The following FAM107A variants were observed in gnomAD, a reference collection of about 807,000 sequenced individuals.
FAM107A encodes actin-associated protein FAM107A.
Under a neutral mutation model 13.7 loss-of-function variants are expected in FAM107A, and 19 were observed. The observed-to-expected ratio is 1.38, with a 90% CI of 0.97 to 2.03. The LOEUF (loss-of-function observed/expected upper bound fraction) is 2.03, where lower values mean the gene tolerates loss of function less well. FAM107A is among the 30% of genes most tolerant of loss of function. FAM107A has a pLI of 0.00. For missense variants in FAM107A, 203 were observed against 184.4 expected (o/e 1.10, Z -0.58); for synonymous variants, 82 against 74.5 (o/e 1.10, Z -0.52).
intron 1 of FAM107A, among the ~76,000 whole-genome samples, chr3:58,609,855 G>T (rs1449338880): frequency 6.6e-6 from 1 of 152,208 alleles, no homozygotes; most frequent in Non-Finnish European, 1.5e-5. Flanking sequence ...ATGGCTTCTT[G>T]ACCCCTGTCT....
At chr3:58,622,503 G>A (rs2065966020) in intron 1 of FAM107A, among the ~76,000 whole-genome samples, 1 of 152,146 alleles carries the variant, frequency 6.6e-6, no homozygotes, top group South Asian at 2.1e-4. Flanking sequence ...GTTGGAGCTC[G>A]ACAATTGACA....
At chr3:58,625,311 G>A (rs746062703) in intron 1 of FAM107A, among the ~76,000 whole-genome samples, 1 of 152,108 alleles carries the variant, frequency 6.6e-6, no homozygotes, top group Non-Finnish European at 1.5e-5. Flanking sequence ...ACAGAAACAG[G>A]CCTTTTCAAA....
intron 1 of FAM107A, among the ~76,000 whole-genome samples, chr3:58,620,776 C>G (rs1467324273): frequency 2.6e-5 from 4 of 152,216 alleles, no homozygotes; most frequent in African/African-American, 9.7e-5. Context: ...TTTGAAGCAG[C>G]CCTGGGCATT....
chr3:58,588,525 C>A (rs1409602680), upstream of FAM107A, among the ~76,000 whole-genome samples: 2 of 152,204 alleles, frequency 1.3e-5, no homozygotes, highest in African/African-American at 4.8e-5. Context: ...TCTTTGGAGG[C>A]CTCATTGATT....
chr3:58,624,314 T>C (rs931680476), intron 1 of FAM107A, among the ~76,000 whole-genome samples: 1 of 152,222 alleles, frequency 6.6e-6, no homozygotes, highest in Non-Finnish European at 1.5e-5. Context: ...GGTACCCACC[T>C]TGGTGCCCTT....
At chr3:58,567,749 A>G (rs2063637300) in intron 2 of FAM107A, among the ~76,000 whole-genome samples, 1 of 152,196 alleles carries the variant, frequency 6.6e-6, no homozygotes, top group Non-Finnish European at 1.5e-5. Context: ...TATCCAGTGT[A>G]TCCTCCTCTG....
chr3:58,581,890 G>A (rs1289011151), upstream of FAM107A, among the ~76,000 whole-genome samples: 1 of 152,214 alleles, frequency 6.6e-6, no homozygotes, highest in Non-Finnish European at 1.5e-5. Flanking sequence ...AGCTGCAGAA[G>A]GACCCTGGGG....
At chr3:58,609,452 G>C (rs79647760) in intron 1 of FAM107A, among the ~76,000 whole-genome samples, 3,030 of 152,144 alleles carry the variant, frequency 0.02, 47 homozygotes, top group Non-Finnish European at 0.027. Flanking sequence ...TTAATGTTTG[G>C]TATTTATTTT....
chr3:58,589,326 AG>A, upstream of FAM107A: 1 of 1,157,470 alleles, frequency 8.6e-7, no homozygotes, highest in Non-Finnish European at 1.2e-6. Flanking sequence ...TGGCTGAGGG[AG>A]GGGTGATATA....
upstream of FAM107A, among the ~76,000 whole-genome samples, chr3:58,581,490 T>C (rs921468135): frequency 6.6e-6 from 1 of 152,162 alleles, no homozygotes; most frequent in Non-Finnish European, 1.5e-5. Flanking sequence ...CATGGCAACT[T>C]AAAACTTCCT....
At chr3:58,587,474 AGTGTGTGT>A (rs376881213), upstream of FAM107A, among the ~76,000 whole-genome samples, 5,761 of 145,494 alleles carry the variant, frequency 0.04, 294 homozygotes, top group African/African-American at 0.12. Flanking sequence ...ATCAGCTTAG[AGTGTGTGT>A]GTGTGTGTGT....
chr3:58,573,221 C>G (rs2063701321), intron 1 of FAM107A, among the ~76,000 whole-genome samples: 1 of 152,150 alleles, frequency 6.6e-6, no homozygotes, highest in Non-Finnish European at 1.5e-5. Context: ...AGCAAACAAC[C>G]CCTGTGAGAT....
Position 58,569,966 on chromosome 3 carries a change from T to A in FAM107A, c.-5-101A>T. 2.5e-6 allele frequency: 3 copies of A among 1,208,546 alleles called. No individual in the cohort carries two copies. The highest frequency in any genetic ancestry group is 3.5e-6 in the Non-Finnish European group (3 of 865,054). 74.9% of individuals were successfully genotyped at this position (1,208,546 alleles called of 1,614,324 possible). A position where few individuals can be genotyped will look rare whatever the true frequency, so the allele number is the denominator to read the frequency against. ...GCAAGGTTTTCATGTCAGATGGACCTTGGCCACCTGCTACTGCGCATACCT... is the reference window on the plus strand; with the variant it reads ...GCAAGGTTTTCATGTCAGATGGACCATGGCCACCTGCTACTGCGCATACCT... On this transcript the variant is annotated intron_variant, in intron 1 of 3. Coordinates refer to ENST00000360997, the MANE Select transcript of FAM107A (RefSeq NM_001076778.3). The surrounding 1 kb of genome is among the most constrained non-coding windows in gnomAD (Gnocchi z 5.7).
intron 1 of FAM107A, among the ~76,000 whole-genome samples, chr3:58,595,365 G>A (rs2065689960): frequency 1.3e-5 from 2 of 152,194 alleles, no homozygotes; most frequent in Non-Finnish European, 2.9e-5. Context: ...CACAGAAGAA[G>A]TGAAATTAGC....
intron 1 of FAM107A, among the ~76,000 whole-genome samples, chr3:58,594,313 A>G (rs561676501): frequency 3.3e-5 from 5 of 152,118 alleles, no homozygotes; most frequent in East Asian, 1.9e-4. Flanking sequence ...CTTCTTGTTT[A>G]CTTGTACCCA....
intron 1 of FAM107A, among the ~76,000 whole-genome samples, chr3:58,575,864 CA>C (rs2063726354): frequency 6.6e-6 from 1 of 152,194 alleles, no homozygotes; most frequent in Non-Finnish European, 1.5e-5. Flanking sequence ...AGGAGAGGAC[CA>C]GCTGGTGGCC....
chr3:58,582,691 G>C (rs2065561409), upstream of FAM107A, among the ~76,000 whole-genome samples: 1 of 152,224 alleles, frequency 6.6e-6, no homozygotes, highest in African/African-American at 2.4e-5. Flanking sequence ...TGTTTTTGAG[G>C]AACAAAGGAG....
At chr3:58,616,864 C>G (rs2065906776) in intron 1 of FAM107A, among the ~76,000 whole-genome samples, 2 of 152,188 alleles carry the variant, frequency 1.3e-5, no homozygotes, top group African/African-American at 4.8e-5. Context: ...AGCTCCGCCT[C>G]CCGGGTTCAA....
chr3:58,566,663 G>C lies in FAM107A; in HGVS notation c.360C>G (p.His120Gln). The change falls in exon 4 of 4, where the codon CAC (histidine) becomes CAG (glutamine). Residue 120 changes from histidine (H) to glutamine (Q), a missense_variant. Coordinates refer to ENST00000360997, the MANE Select transcript of FAM107A (RefSeq NM_001076778.3). ...CCCTGACTTTAATAAACTCGGGGGC[G>C]TGATCCTCTTCCTTCTCTGGTGGTT... The part of the protein sequence containing the change: ...LEKPPEKEED[H>Q]APEFIKVREN... The C allele has an allele frequency of 6.2e-7, 1 of 1,613,966 alleles. No individual in the cohort carries two copies. Among genetic ancestry groups the C allele is most frequent in the South Asian group, 1.1e-5 (1 of 91,078 alleles).
Sources: gnomAD v4.1 joint callset for allele counts (sites outside exome capture counted in the v4.1 genomes callset) on GRCh38, gnomAD v4.1.1 for gene constraint, Gnocchi (gnomAD v3.1) non-coding constraint, MANE v1.5 for transcripts, NCBI Gene and HGNC (gene_info 2026-07-23, HGNC 2026-07-21) for gene names.